The following C10orf143 variants were observed in gnomAD, a reference collection of about 807,000 sequenced individuals.
C10orf143 encodes the protein chromosome 10 open reading frame 143, also known as uncharacterized protein C10orf143.
intron 3 of C10orf143, 21 bp downstream of exon 3, chr10:130,079,545 C>A: frequency 2.5e-6 from 1 of 399,010 alleles, no homozygotes. Context: ...TATGTCACAG[C>A]AAGAAGGTTA....
intron 1 of C10orf143, chr10:130,108,439 G>A (rs780986635): frequency 7.4e-6 from 6 of 815,598 alleles, no homozygotes; most frequent in South Asian, 1.3e-5. Context: ...ATCCAAAACC[G>A]CAGCAAGATA....
intron 2 of C10orf143, 49 bp downstream of exon 2, chr10:130,079,688 A>G (rs540862196): frequency 1.8e-5 from 7 of 398,862 alleles, no homozygotes; most frequent in African/African-American, 1.0e-4. Context: ...ACTTTCTATT[A>G]AAATATTTCA....
intron 1 of C10orf143, among the ~76,000 whole-genome samples, chr10:130,080,742 A>G (rs1590022195): frequency 6.6e-6 from 1 of 152,354 alleles, no homozygotes; most frequent in Admixed American, 6.5e-5. Context: ...TCACTTTTGC[A>G]AAATGTGTTT....
rs192828464 is a variant in C10orf143, at chr10:130,101,784, C to T, written c.69+8920G>A. ...CTGAGGCAGGAGAATCTCTTGAACC[C>T]GGGAGACAGAGATTGCAGTGAGCTC... On this transcript the variant is annotated intron_variant, in intron 1 of 3. Coordinates refer to ENST00000637128, the MANE Select transcript of C10orf143 (RefSeq NM_001355042.2). 1.8e-3 allele frequency among the ~76,000 whole-genome samples: 230 copies of T among 130,964 alleles called. 1 individual carries two copies. The highest frequency in any genetic ancestry group is 6.1e-3 in the African/African-American group (214 of 35,200). The allele number at this position is 130,964 out of a possible 152,430, so 85.9% of individuals were successfully genotyped here.
chr10:130,091,501 C>T (rs1861382076), intron 1 of C10orf143, among the ~76,000 whole-genome samples: 1 of 152,178 alleles, frequency 6.6e-6, no homozygotes, highest in African/African-American at 2.4e-5. Context: ...AACCAGAATG[C>T]CTCTTCTCCT....
rs532631720 is a variant in C10orf143 at position 130,108,135 on chromosome 10, T to C, written c.69+2569A>G. On this transcript the variant is annotated intron_variant, in intron 1 of 3. Coordinates refer to ENST00000637128, the MANE Select transcript of C10orf143 (RefSeq NM_001355042.2). ...TTTGTTCCTCCACCTCTTGCCCTAATCAGAGGTCCACTGTTTCCAGTGGAT... is the reference window on the plus strand; with the variant it reads ...TTTGTTCCTCCACCTCTTGCCCTAACCAGAGGTCCACTGTTTCCAGTGGAT... 902 of 1,563,988 alleles carry C rather than the reference T, an allele frequency of 5.8e-4. 16 individuals carry two copies. The South Asian group carries it at 9.4e-3, about 16-fold the overall frequency.
At chr10:130,090,518 G>GT (rs927207858) in intron 1 of C10orf143, among the ~76,000 whole-genome samples, 4 of 152,028 alleles carry the variant, frequency 2.6e-5, no homozygotes, top group Non-Finnish European at 4.4e-5. Context: ...AACTGCAGGA[G>GT]TTTTTTTTCA....
At chr10:130,046,160 G>A (rs2134727255) in intron 3 of C10orf143, among the ~76,000 whole-genome samples, 1 of 151,806 alleles carries the variant, frequency 6.6e-6, no homozygotes, top group East Asian at 1.9e-4. Flanking sequence ...CGAGGAGTGG[G>A]GCGAGAGGTG....
chr10:130,089,110 T>G (rs1176208304), intron 1 of C10orf143, among the ~76,000 whole-genome samples: 4 of 152,210 alleles, frequency 2.6e-5, no homozygotes, highest in Non-Finnish European at 5.9e-5. Context: ...AGAGGGCAAC[T>G]GAATTCTAGG....
At chr10:130,098,837 A>G (rs1861502275) in intron 1 of C10orf143, among the ~76,000 whole-genome samples, 1 of 152,316 alleles carries the variant, frequency 6.6e-6, no homozygotes, top group South Asian at 2.1e-4. Context: ...CTGTAATCCT[A>G]GCACTTTGGG....
intron 3 of C10orf143, among the ~76,000 whole-genome samples, chr10:130,040,895 A>G (rs1489459839): frequency 6.6e-6 from 1 of 151,394 alleles, no homozygotes; most frequent in Non-Finnish European, 1.5e-5. Context: ...GAGGGGCACC[A>G]AGGGACATGA....
chr10:130,108,348 T>C (rs779126505), intron 1 of C10orf143: 8 of 1,348,252 alleles, frequency 5.9e-6, no homozygotes, highest in South Asian at 1.2e-5. Flanking sequence ...CCTGGATTTT[T>C]CCCCCGACCC....
chr10:130,106,542 T>C, intron 1 of C10orf143: 1 of 1,596,054 alleles, frequency 6.3e-7, no homozygotes, highest in Non-Finnish European at 8.6e-7. Context: ...AATGAATTGA[T>C]GGCGGATATT....
intron 1 of C10orf143, among the ~76,000 whole-genome samples, chr10:130,094,920 G>A (rs1861439225): frequency 6.6e-6 from 1 of 152,166 alleles, no homozygotes; most frequent in Non-Finnish European, 1.5e-5. Flanking sequence ...CAAATAGGAA[G>A]AGAGGAAGTC....
chr10:130,080,435 G>T (rs1352141720), intron 1 of C10orf143, among the ~76,000 whole-genome samples: 1 of 152,110 alleles, frequency 6.6e-6, no homozygotes, highest in African/African-American at 2.4e-5. Flanking sequence ...GTGAACTAAA[G>T]AAAATAATTA....
In C10orf143 at chr10:130,084,352, C is replaced by T. The variant is rs549189010; in HGVS notation, c.70-4451G>A. 3.9e-4 allele frequency among the ~76,000 whole-genome samples: 59 copies of T among 152,144 alleles called. No homozygotes were observed. In the Middle Eastern group the frequency reaches 0.017, roughly 44 times the overall value. On this transcript the variant is annotated intron_variant, in intron 1 of 3. Coordinates refer to ENST00000637128, the MANE Select transcript of C10orf143 (RefSeq NM_001355042.2). ...AAACTATTTTGACTAGAAACTCAAA[C>T]GCTAAATAAAGACGACAAAAAGCAC... is the stretch of plus-strand genomic sequence containing the variant.
intron 1 of C10orf143, among the ~76,000 whole-genome samples, chr10:130,090,398 CCCATGG>C (rs1178724556): frequency 3.3e-5 from 5 of 152,200 alleles, no homozygotes; most frequent in African/African-American, 1.2e-4. Context: ...CTATGCTTTT[CCCATGG>C]TCTTCGCAAC....
At chr10:130,038,652 G>A (rs1021052507) in intron 3 of C10orf143, among the ~76,000 whole-genome samples, 7 of 152,110 alleles carry the variant, frequency 4.6e-5, no homozygotes, top group South Asian at 2.1e-4. Context: ...ATCAAACACC[G>A]CCCAGGCCCT....
chr10:130,074,062 C>T (rs949421473), intron 3 of C10orf143, among the ~76,000 whole-genome samples: 1 of 152,188 alleles, frequency 6.6e-6, no homozygotes, highest in African/African-American at 2.4e-5. Flanking sequence ...ACTGTCACTG[C>T]CACAGTTCTC....
Sources: gnomAD v4.1 joint callset for allele counts (sites outside exome capture counted in the v4.1 genomes callset) on GRCh38, gnomAD v4.1.1 for gene constraint, MANE v1.5 for transcripts, NCBI Gene and HGNC (gene_info 2026-07-23, HGNC 2026-07-21) for gene names.